NALF1: variants seen among roughly 807,000 people sequenced by gnomAD.
The protein encoded by NALF1 is family with sequence similarity 155 member A.
In NALF1, 3 loss-of-function variants were observed where a neutral mutation model predicts 48.4. The observed-to-expected ratio is 0.06, with a 90% CI of 0.03 to 0.16. The LOEUF is 0.16. Among genes scored for constraint, NALF1 ranks in the 10% least tolerant of loss-of-function variants. NALF1 has a pLI of 1.00. For missense variants in NALF1, 526 were observed against 571.5 expected, an observed-to-expected ratio of 0.92 and a Z score of 0.81; for synonymous variants, 262 against 245.7, an observed-to-expected ratio of 1.07 and a Z score of -0.62.
At chr13:107,863,306 T>G (rs1423675524) in intron 1 of NALF1, among the ~76,000 whole-genome samples, 1 of 152,140 alleles carries the variant, frequency 6.6e-6, no homozygotes, top group Non-Finnish European at 1.5e-5. Flanking sequence ...TGTGAATGTG[T>G]TTGTGGCTTT....
intron 1 of NALF1, among the ~76,000 whole-genome samples, chr13:107,506,881 T>C (rs764256575): frequency 1.5e-4 from 23 of 152,084 alleles, no homozygotes; most frequent in Non-Finnish European, 2.4e-4. Context: ...TTTTTTTAAT[T>C]TCTCCTGGCC....
chr13:107,482,433 A>T (rs893328998), intron 1 of NALF1, among the ~76,000 whole-genome samples: 1 of 152,160 alleles, frequency 6.6e-6, no homozygotes, highest in Non-Finnish European at 1.5e-5. Flanking sequence ...GTTACTCCTC[A>T]ATGAAAAGCA....
chr13:107,863,685 T>G (rs1434816087), intron 1 of NALF1, among the ~76,000 whole-genome samples: 1 of 152,142 alleles, frequency 6.6e-6, no homozygotes, highest in Non-Finnish European at 1.5e-5. Flanking sequence ...AAAAACATAA[T>G]CCAGAAGTAG....
intron 1 of NALF1, among the ~76,000 whole-genome samples, chr13:107,518,555 T>G (rs1157014188): frequency 6.6e-6 from 1 of 152,168 alleles, no homozygotes; most frequent in Non-Finnish European, 1.5e-5. Context: ...TGTCAGTCAA[T>G]TTTCTAAGTG....
chr13:107,461,111 A>G (rs1884911788), intron 1 of NALF1, among the ~76,000 whole-genome samples: 3 of 152,194 alleles, frequency 2.0e-5, no homozygotes, highest in Admixed American at 2.0e-4. Context: ...AAGAACCCAT[A>G]AAACAAAATC....
intron 1 of NALF1, among the ~76,000 whole-genome samples, chr13:107,413,834 T>G (rs1884036804): frequency 6.6e-6 from 1 of 152,210 alleles, no homozygotes; most frequent in Admixed American, 6.5e-5. Flanking sequence ...TTGCCCAGGC[T>G]GGAGTGGAGT....
At chr13:107,634,151 A>G (rs1195658450) in intron 1 of NALF1, among the ~76,000 whole-genome samples, 1 of 152,210 alleles carries the variant, frequency 6.6e-6, no homozygotes, top group East Asian at 1.9e-4. Context: ...ATCAACAAGC[A>G]TTTATTCACC....
chr13:107,224,212 C>T (rs1188527506), intron 1 of NALF1, among the ~76,000 whole-genome samples: 2 of 151,774 alleles, frequency 1.3e-5, no homozygotes, highest in East Asian at 1.9e-4. Flanking sequence ...CAGTTTTATG[C>T]TCAGAGTAAA....
At chr13:107,184,835 T>A (rs1879139097) in intron 2 of NALF1, among the ~76,000 whole-genome samples, 1 of 152,218 alleles carries the variant, frequency 6.6e-6, no homozygotes, top group Admixed American at 6.5e-5. Context: ...TAATTTTCTG[T>A]GTTTTATAGG....
At chr13:107,262,683 A>G (rs151199382) in intron 1 of NALF1, among the ~76,000 whole-genome samples, 34 of 151,844 alleles carry the variant, frequency 2.2e-4, no homozygotes, top group African/African-American at 8.0e-4. Context: ...AGGCTACCTG[A>G]TGGGATAGAT....
At chr13:107,759,510 G>C (rs965013674) in intron 1 of NALF1, among the ~76,000 whole-genome samples, 1 of 152,032 alleles carries the variant, frequency 6.6e-6, no homozygotes, top group Non-Finnish European at 1.5e-5. Context: ...ACCCTGTCTT[G>C]TGTCTCTGAA....
intron 1 of NALF1, among the ~76,000 whole-genome samples, chr13:107,676,959 G>A (rs1293871313): frequency 6.6e-6 from 1 of 152,184 alleles, no homozygotes; most frequent in East Asian, 1.9e-4. Flanking sequence ...ACACCCTACA[G>A]ATTTATGGCT....
At chr13:107,680,540 ATGGTGTG>A (rs1212653092) in intron 1 of NALF1, among the ~76,000 whole-genome samples, 10 of 151,384 alleles carry the variant, frequency 6.6e-5, no homozygotes, top group African/African-American at 2.4e-4. Context: ...TGTGTATGTG[ATGGTGTG>A]TGGTGTGTGA....
intron 1 of NALF1, among the ~76,000 whole-genome samples, chr13:107,741,993 CA>C (rs2138545019): frequency 6.6e-6 from 1 of 152,286 alleles, no homozygotes; most frequent in East Asian, 1.9e-4. Context: ...AACAATCATA[CA>C]TTAAAAATTA....
At chr13:107,597,252 C>T (rs1053649305) in intron 1 of NALF1, among the ~76,000 whole-genome samples, 1 of 152,040 alleles carries the variant, frequency 6.6e-6, no homozygotes, top group African/African-American at 2.4e-5. Context: ...TGCTTTATGG[C>T]TTCTACAAAT....
chr13:107,193,767 T>G (rs1180418206), intron 2 of NALF1, among the ~76,000 whole-genome samples: 1 of 152,044 alleles, frequency 6.6e-6, no homozygotes, highest in East Asian at 1.9e-4. Context: ...GGAAATGAGG[T>G]GATAGCTTCC....
intron 1 of NALF1, among the ~76,000 whole-genome samples, chr13:107,704,843 C>T (rs1425601230): frequency 6.6e-6 from 1 of 152,090 alleles, no homozygotes; most frequent in African/African-American, 2.4e-5. Flanking sequence ...TCACAGGTTA[C>T]ATTGGGAGAG....
chr13:107,681,007 G>GT (rs989253490), intron 1 of NALF1, among the ~76,000 whole-genome samples: 1 of 151,582 alleles, frequency 6.6e-6, no homozygotes, highest in Non-Finnish European at 1.5e-5. Context: ...TTTTCTGCCT[G>GT]TTTTTTTAAG....
At chr13:107,262,014 A>G (rs1036064811) in intron 1 of NALF1, among the ~76,000 whole-genome samples, 10 of 152,134 alleles carry the variant, frequency 6.6e-5, no homozygotes, top group African/African-American at 2.4e-5. Flanking sequence ...TTTATTTGCT[A>G]TTTCTGAAAT....
Sources: gnomAD v4.1 joint callset for allele counts (sites outside exome capture counted in the v4.1 genomes callset) on GRCh38, gnomAD v4.1.1 for gene constraint, MANE v1.5 for transcripts, NCBI Gene and HGNC (gene_info 2026-07-23, HGNC 2026-07-21) for gene names.